The following RNF115 variants were observed in gnomAD, a reference collection of about 807,000 sequenced individuals.
RNF115 encodes ring finger protein 115.
Under a neutral mutation model 39.2 loss-of-function variants are expected in RNF115, and 31 were observed. That is an observed-to-expected ratio of 0.79 (90% CI 0.59 to 1.07). RNF115 has a LOEUF of 1.07. RNF115 is among the 50% of genes least tolerant of loss of function. RNF115 has a pLI of 0.00. For synonymous variants in RNF115, 124 were observed against 131.0 expected, an observed-to-expected ratio of 0.95 and a Z score of 0.37; for missense variants, 384 against 381.7, an observed-to-expected ratio of 1.01 and a Z score of -0.05.
intron 1 of RNF115, among the ~76,000 whole-genome samples, chr1:145,789,950 G>A (rs1261179062): frequency 2.7e-5 from 4 of 150,308 alleles, no homozygotes; most frequent in Non-Finnish European, 4.4e-5. Flanking sequence ...CACCCGCCTC[G>A]GCCTCCGAAA....
At chr1:145,785,302 A>T (rs1553717973) in intron 2 of RNF115, among the ~76,000 whole-genome samples, 1 of 152,204 alleles carries the variant, frequency 6.6e-6, no homozygotes, top group Non-Finnish European at 1.5e-5. Flanking sequence ...GCAATTTATT[A>T]ATGCCTCAAA....
At chr1:145,747,286 G>T (rs997209378) in intron 8 of RNF115, among the ~76,000 whole-genome samples, 4 of 152,152 alleles carry the variant, frequency 2.6e-5, no homozygotes, top group Admixed American at 2.0e-4. Context: ...AGTGATCTAT[G>T]ACAGGAGGGT....
At chr1:145,797,507 A>C (rs1649036501) in intron 1 of RNF115, among the ~76,000 whole-genome samples, 1 of 152,208 alleles carries the variant, frequency 6.6e-6, no homozygotes, top group East Asian at 1.9e-4. Context: ...TTAAAGCTAA[A>C]TAATATTCCA....
In RNF115 at chr1:145,746,125, C is replaced by G. The variant is rs1379185700; in HGVS notation, c.*741G>C. On this transcript the variant is annotated 3_prime_UTR_variant, in exon 9 of 9. Coordinates refer to ENST00000582693, the MANE Select transcript of RNF115 (RefSeq NM_014455.4). Reference sequence around the variant, plus strand: ...CCTGTGGTCCCAGCTACTCCGGAGGCTGAGGTAGGAGAATCGCTTGAACTC... The same window carrying G: ...CCTGTGGTCCCAGCTACTCCGGAGGGTGAGGTAGGAGAATCGCTTGAACTC... 6.6e-6 allele frequency: 1 copy of G among 151,668 alleles called. No homozygotes were observed. Among genetic ancestry groups the G allele is most frequent in the African/African-American group, 2.4e-5 (1 of 41,252 alleles). 9.4% of individuals were successfully genotyped at this position (151,668 alleles called of 1,614,324 possible).
At chr1:145,764,913 A>T (rs926893607) in intron 4 of RNF115, among the ~76,000 whole-genome samples, 2 of 152,162 alleles carry the variant, frequency 1.3e-5, no homozygotes, top group Non-Finnish European at 2.9e-5. Flanking sequence ...CACCCCGTCT[A>T]GGAGGTGTAC....
intron 1 of RNF115, 110 bp from the exon 2 acceptor site, chr1:145,789,076 T>C (rs1378057531): frequency 4.4e-6 from 3 of 685,766 alleles, no homozygotes; most frequent in Admixed American, 5.1e-5. Flanking sequence ...AAATGTTCTA[T>C]GTACTCGCTG....
chr1:145,776,942 T>C (rs1234380446), intron 3 of RNF115, among the ~76,000 whole-genome samples: 1 of 152,240 alleles, frequency 6.6e-6, no homozygotes, highest in South Asian at 2.1e-4. Flanking sequence ...TACTTTCTAA[T>C]TATAGTCTTC....
chr1:145,748,947 C>T (rs1657979564), intron 7 of RNF115, among the ~76,000 whole-genome samples: 1 of 151,750 alleles, frequency 6.6e-6, no homozygotes, highest in South Asian at 2.1e-4. Context: ...GAAGCCATAC[C>T]AGAAAAGCTA....
chr1:145,776,023 TAAATA>T (rs1412296998), intron 3 of RNF115, among the ~76,000 whole-genome samples: 3 of 145,126 alleles, frequency 2.1e-5, no homozygotes, highest in East Asian at 2.1e-4. Flanking sequence ...AAAATAAAAA[TAAATA>T]AAATAAAATA....
At position 145,771,160 on chromosome 1, in the gene RNF115, G is replaced by A. The variant is rs587639833; in HGVS notation, c.428+551C>T. Among the ~76,000 whole-genome samples, 92 of 152,344 alleles carry A rather than the reference G, an allele frequency of 6.0e-4. 2 individuals carry two copies. In the South Asian group the frequency reaches 0.019, roughly 31 times the overall value. ...ATCCCCAGTGGAGCAGTGTTGAAAG[G>A]TGGAGACTTTAAGAGATGAATCTCC... On this transcript the variant is annotated intron_variant, in intron 4 of 8. Coordinates refer to ENST00000582693, the MANE Select transcript of RNF115 (RefSeq NM_014455.4).
intron 1 of RNF115, among the ~76,000 whole-genome samples, chr1:145,795,634 T>C (rs1479403686): frequency 6.6e-6 from 1 of 152,156 alleles, no homozygotes; most frequent in Non-Finnish European, 1.5e-5. Flanking sequence ...CTCTCAGTTC[T>C]AGGAACCAGG....
At chr1:145,756,673 G>T (rs1045418611) in intron 4 of RNF115, among the ~76,000 whole-genome samples, 8 of 152,032 alleles carry the variant, frequency 5.3e-5, no homozygotes, top group African/African-American at 1.9e-4. Flanking sequence ...AGGAAGTTCT[G>T]AGGGAGATCA....
intron 8 of RNF115, 107 bp from the exon 9 acceptor site, chr1:145,747,104 G>C: frequency 1.7e-6 from 2 of 1,189,254 alleles, no homozygotes; most frequent in Admixed American, 2.2e-5. Context: ...TTATGACATG[G>C]AACAGAAAAA....
chr1:145,801,969 G>C (rs1649268089), intron 1 of RNF115, among the ~76,000 whole-genome samples: 1 of 151,954 alleles, frequency 6.6e-6, no homozygotes, highest in South Asian at 2.1e-4. Flanking sequence ...TATATTTTTT[G>C]TAGAGACGGA....
chr1:145,747,012 TA>T lies in RNF115; in HGVS notation c.784-16del. ...CATGTGTCATGCTGAAACAGAAAAA[TA>T]TTAGTCTATGTGAAGATCCTGGCCT... is the stretch of plus-strand genomic sequence containing the variant. On this transcript the variant is annotated splice_polypyrimidine_tract_variant and intron_variant, in intron 8 of 8. Coordinates refer to ENST00000582693, the MANE Select transcript of RNF115 (RefSeq NM_014455.4). 6.2e-7 allele frequency: 1 copy of T among 1,606,382 alleles called. No homozygotes were observed. Among genetic ancestry groups the T allele is most frequent in the Non-Finnish European group, 8.5e-7 (1 of 1,174,646 alleles).
intron 4 of RNF115, among the ~76,000 whole-genome samples, chr1:145,753,893 T>C (rs1296439850): frequency 6.6e-6 from 1 of 152,160 alleles, no homozygotes; most frequent in African/African-American, 2.4e-5. Context: ...ATTTTTTGTA[T>C]ACTTAGTAGA....
intron 1 of RNF115, among the ~76,000 whole-genome samples, chr1:145,822,743 G>A (rs1312663694): frequency 1.4e-5 from 2 of 145,614 alleles, no homozygotes; most frequent in African/African-American, 2.7e-5. Flanking sequence ...GCTGGTGCTG[G>A]CTAGTATGCT....
chr1:145,794,019 T>G (rs1361468903), intron 1 of RNF115, among the ~76,000 whole-genome samples: 1 of 152,058 alleles, frequency 6.6e-6, no homozygotes, highest in African/African-American at 2.4e-5. Flanking sequence ...AATTTTTGTA[T>G]TTCTAGTAGA....
chr1:145,814,995 A>G (rs1486568136), intron 1 of RNF115, among the ~76,000 whole-genome samples: 9 of 152,262 alleles, frequency 5.9e-5, no homozygotes, highest in African/African-American at 2.2e-4. Context: ...TTAATTAGCA[A>G]CTGCTATATA....
Sources: allele counts gnomAD v4.1 joint callset (sites outside exome capture counted in the v4.1 genomes callset), GRCh38; gene constraint gnomAD v4.1.1; transcripts MANE v1.5; gene names NCBI Gene and HGNC (gene_info 2026-07-23, HGNC 2026-07-21).